STAP1: variants seen among roughly 807,000 people sequenced by gnomAD.
STAP1 encodes signal-transducing adaptor protein 1.
STAP1 carries 30 observed loss-of-function variants against 37.8 expected under a neutral mutation model. The observed-to-expected ratio is 0.79, with a 90% confidence interval of 0.59 to 1.08. The LOEUF (loss-of-function observed/expected upper bound fraction) is 1.08. STAP1 is among the 50% of genes least tolerant of loss of function. The pLI is 0.00. For synonymous variants in STAP1, 130 were observed against 116.0 expected (o/e 1.12, Z -0.78); for missense variants, 357 against 349.4 (o/e 1.02, Z -0.17).
chr4:67,575,490 C>G lies in STAP1; in HGVS notation c.298C>G (p.Gln100Glu). The change falls in exon 3 of 9, where the codon CAA becomes GAA. Residue 100 changes from glutamine to glutamate, a missense_variant. Gln to Glu is a conservative substitution (Grantham distance 29). Transcript: ENST00000265404. The part of the protein sequence containing the change: ...FTLVLPKEEV[Q>E]LKTENTESGE... Reference sequence around the variant, plus strand: ...CCTTGTTTTGCCGAAAGAGGAAGTACAACTGAAGGTGAGCGAGGAGAAACA... The same window carrying G: ...CCTTGTTTTGCCGAAAGAGGAAGTAGAACTGAAGGTGAGCGAGGAGAAACA... 3 of 1,607,374 alleles carry G rather than the reference C, an allele frequency of 1.9e-6. No individual in the cohort carries two copies. The highest frequency in any genetic ancestry group is 2.5e-6 in the Non-Finnish European group (3 of 1,176,586).
At position 67,606,469 on chromosome 4, in the gene STAP1, T is replaced by C; in HGVS notation, c.*112T>C. The C allele has an allele frequency of 1.2e-6, 1 of 826,678 alleles. No homozygotes were observed. Among genetic ancestry groups the C allele is most frequent in the Non-Finnish European group, 1.9e-6 (1 of 535,008 alleles). 51.2% of individuals were successfully genotyped at this position (826,678 alleles called of 1,614,324 possible). A position where few individuals can be genotyped will look rare whatever the true frequency, so the allele number is the denominator to read the frequency against. ...CTCCTGATACTGATTACCAAGTCAT[T>C]CACCTGAACACCAGAATTAGAATTA... On this transcript the variant is annotated 3_prime_UTR_variant, in exon 9 of 9. Coordinates refer to ENST00000265404, the MANE Select transcript of STAP1 (RefSeq NM_012108.4).
chr4:67,594,006 T>A (rs1197651887), intron 8 of STAP1, among the ~76,000 whole-genome samples: 1 of 152,186 alleles, frequency 6.6e-6, no homozygotes, highest in African/African-American at 2.4e-5. Context: ...CTGCACAGTT[T>A]ACACACCCTT....
chr4:67,593,448 A>T, intron 8 of STAP1, 92 bp downstream of exon 8: 1 of 865,064 alleles, frequency 1.2e-6, no homozygotes, highest in Non-Finnish European at 1.8e-6. Flanking sequence ...AGTACCAGCC[A>T]GGCAGGAACT....
chr4:67,586,797 A>T (rs1201550428), intron 6 of STAP1, among the ~76,000 whole-genome samples: 2 of 152,182 alleles, frequency 1.3e-5, no homozygotes, highest in Non-Finnish European at 1.5e-5. Flanking sequence ...TTGTTAGCTG[A>T]TGGTCATCAA....
At chr4:67,561,539 T>A (rs1727337438) in intron 1 of STAP1, among the ~76,000 whole-genome samples, 1 of 152,210 alleles carries the variant, frequency 6.6e-6, no homozygotes, top group Non-Finnish European at 1.5e-5. Flanking sequence ...GTATACCATT[T>A]TGCATGCAAT....
At chr4:67,588,975 T>C (rs931066220) in intron 6 of STAP1, among the ~76,000 whole-genome samples, 1 of 152,124 alleles carries the variant, frequency 6.6e-6, no homozygotes, top group Non-Finnish European at 1.5e-5. Flanking sequence ...TTTGCAAAGG[T>C]TAACTCACAG....
At chr4:67,565,490 A>G (rs538267129) in intron 1 of STAP1, among the ~76,000 whole-genome samples, 1 of 152,358 alleles carries the variant, frequency 6.6e-6, no homozygotes, top group African/African-American at 2.4e-5. Context: ...AAATCACCAC[A>G]TGGAAGAAGT....
intron 1 of STAP1, among the ~76,000 whole-genome samples, 164 bp from the exon 2 acceptor site, chr4:67,570,919 GA>G (rs759236410): frequency 5.9e-5 from 9 of 151,934 alleles, no homozygotes; most frequent in Non-Finnish European, 1.2e-4. Context: ...CTCAAAAAAT[GA>G]AAAGAATTAA....
chr4:67,560,644 GTGTGTGTC>G (rs1286705352), intron 1 of STAP1, among the ~76,000 whole-genome samples: 4 of 39,608 alleles, frequency 1.0e-4, no homozygotes, highest in African/African-American at 2.3e-4. Context: ...GTGTGTGTGG[GTGTGTGTC>G]TGTGTGTGTG....
At chr4:67,588,511 G>A (rs548070064) in intron 6 of STAP1, among the ~76,000 whole-genome samples, 6 of 152,096 alleles carry the variant, frequency 3.9e-5, no homozygotes, top group Admixed American at 2.0e-4. Context: ...CCGGGTTCAC[G>A]CCATTCTCCT....
intron 2 of STAP1, among the ~76,000 whole-genome samples, chr4:67,573,625 A>T (rs1289841600): frequency 2.6e-5 from 4 of 152,164 alleles, no homozygotes. Context: ...TTTATTTTTA[A>T]AATTGACATA....
chr4:67,570,010 G>A (rs13103601), intron 1 of STAP1, among the ~76,000 whole-genome samples: 81,335 of 151,938 alleles, frequency 0.54, 22,534 homozygotes, highest in Non-Finnish European at 0.59. Flanking sequence ...GGATTACAGC[G>A]TGAGCCACCA....
Position 67,571,085 on chromosome 4 carries a change from A to G in STAP1, c.122A>G (p.Glu41Gly). The change falls in exon 2 of 9, where the codon GAG becomes GGG. Residue 41 changes from glutamate (E) to glycine (G), a missense_variant and splice_region_variant. By Grantham distance (98) the Glu-to-Gly change is moderately conservative (BLOSUM62 -2). Coordinates refer to ENST00000265404, the MANE Select transcript of STAP1 (RefSeq NM_012108.4). ...ATGTTTATGGTTTCTTTCCCACAGG[A>G]GTATGAGCATTACTGGACAGAGTTG... ...FLLIKRSGYR[E>G]YEHYWTELRG... 1 of 1,609,954 alleles carries G rather than the reference A, an allele frequency of 6.2e-7. No homozygotes were observed.
At chr4:67,600,458 A>G (rs1577771325) in intron 8 of STAP1, among the ~76,000 whole-genome samples, 1 of 152,068 alleles carries the variant, frequency 6.6e-6, no homozygotes, top group Admixed American at 6.5e-5. Flanking sequence ...CATGTTCTGA[A>G]GGAAAAAATG....
At chr4:67,559,058 C>A in intron 1 of STAP1, 129 bp downstream of exon 1, 1 of 949,716 alleles carries the variant, frequency 1.1e-6, no homozygotes, top group Non-Finnish European at 1.4e-6. Context: ...TCTTTGAGCT[C>A]AGAAAAATGA....
chr4:67,564,329 T>C (rs1727418099), intron 1 of STAP1, among the ~76,000 whole-genome samples: 1 of 152,184 alleles, frequency 6.6e-6, no homozygotes, highest in Non-Finnish European at 1.5e-5. Context: ...ATACGTTTGC[T>C]TACCTGTAAA....
At chr4:67,590,004 AT>A (rs1728086730) in intron 6 of STAP1, among the ~76,000 whole-genome samples, 1 of 151,932 alleles carries the variant, frequency 6.6e-6, no homozygotes, top group Non-Finnish European at 1.5e-5. Context: ...GGGTCTCATT[AT>A]GTTGCCCAGT....
rs1334073373 is a variant in STAP1, at chr4:67,581,332, C to T, written c.391C>T (p.Leu131=). 2.5e-6 allele frequency: 4 copies of T among 1,613,486 alleles called. No individual in the cohort carries two copies. In the Admixed American group the frequency reaches 6.7e-5, roughly 27 times the overall value. ...GTCAGTTCCCCAAAACGTGTCACTC[C>T]TACCTGGGCAAGTAATTAAACTGCA... ...ELSVPQNVSL[L]PGQVIKLHEV... Residue 131 remains leucine (L), a synonymous_variant, in exon 5 of 9, where the codon CTA becomes TTA. Coordinates refer to ENST00000265404, the MANE Select transcript of STAP1 (RefSeq NM_012108.4).
chr4:67,576,876 C>T (rs1727733608), intron 3 of STAP1, among the ~76,000 whole-genome samples: 1 of 152,150 alleles, frequency 6.6e-6, no homozygotes, highest in African/African-American at 2.4e-5. Context: ...TTTGGTTGTC[C>T]TGAATTTAAA....
Sources: allele counts gnomAD v4.1 joint callset (sites outside exome capture counted in the v4.1 genomes callset), GRCh38; gene constraint gnomAD v4.1.1; transcripts MANE v1.5; gene names NCBI Gene and HGNC (gene_info 2026-07-23, HGNC 2026-07-21).